Variants in SREBF1 observed in about 807,000 individuals in gnomAD.
SREBF1 encodes the protein sterol regulatory element binding transcription factor 1, also known as sterol regulatory element-binding protein 1.
A neutral mutation model predicts 100.1 loss-of-function variants in SREBF1; 45 were observed. That is an observed-to-expected ratio of 0.45 (90% CI 0.35 to 0.58). SREBF1 has a LOEUF of 0.58. SREBF1 is among the 20% of genes least tolerant of loss of function. The pLI is 0.00. For synonymous variants in SREBF1, 657 were observed against 681.8 expected, an observed-to-expected ratio of 0.96 and a Z score of 0.57; for missense variants, 1,324 against 1,539.4, an observed-to-expected ratio of 0.86 and a Z score of 2.34.
chr17:17,814,513 T>C, intron 15 of SREBF1, 102 bp downstream of exon 15: 1 of 1,535,442 alleles, frequency 6.5e-7, no homozygotes. Context: ...AAAAAGGTGG[T>C]GACTCCTCCT....
intron 11 of SREBF1, 50 bp downstream of exon 11, chr17:17,816,151 AGGGAGC>A: frequency 1.2e-6 from 1 of 867,276 alleles, no homozygotes; most frequent in Non-Finnish European, 1.4e-6. Flanking sequence ...GCTCTTACCC[AGGGAGC>A]CTCTGGAGAG....
chr17:17,823,395 C>G, intron 1 of SREBF1: 2 of 799,232 alleles, frequency 2.5e-6, no homozygotes, highest in South Asian at 2.8e-5. Context: ...GTCACACCTT[C>G]TCCCTCGGGA....
chr17:17,812,893 C>T (rs991574867), intron 18 of SREBF1, 42 bp from the exon 19 acceptor site: 5 of 1,443,694 alleles, frequency 3.5e-6, no homozygotes, highest in Non-Finnish European at 4.5e-6. Flanking sequence ...CTCAAGCTGG[C>T]CACGCCCCCG....
chr17:17,814,078 C>G (rs749958247), intron 16 of SREBF1, 167 bp downstream of exon 16: 1 of 815,416 alleles, frequency 1.2e-6, no homozygotes, highest in African/African-American at 1.7e-5. Flanking sequence ...AACCCCTCTC[C>G]TCTGGACAGA....
At chr17:17,836,547 G>A (rs1253283749) in intron 1 of SREBF1, among the ~76,000 whole-genome samples, 180 bp downstream of exon 1, 6 of 152,328 alleles carry the variant, frequency 3.9e-5, no homozygotes, top group Non-Finnish European at 8.8e-5. Flanking sequence ...CGAGACGCTA[G>A]CGCGGGAACC....
chr17:17,816,845 G>A (rs898232166), intron 9 of SREBF1, 113 bp downstream of exon 9: 98 of 1,590,536 alleles, frequency 6.2e-5, no homozygotes, highest in Non-Finnish European at 8.1e-5. Flanking sequence ...TAGGCACAGG[G>A]AGGACGGGAC....
rs777841540 is a variant in SREBF1, at chr17:17,811,776, C to T, written c.*846G>A. ...GAAGTCAGTCCATCCTCCCGTGCCACCCAGGGACCTGATGGGGACAGAGCT... is the reference window on the plus strand; with the variant it reads ...GAAGTCAGTCCATCCTCCCGTGCCATCCAGGGACCTGATGGGGACAGAGCT... On this transcript the variant is annotated 3_prime_UTR_variant, in exon 19 of 19. Transcript: ENST00000261646. 14 of 454,768 alleles carry T rather than the reference C, an allele frequency of 3.1e-5. No homozygotes were observed. Among genetic ancestry groups the T allele is most frequent in the Non-Finnish European group, 5.7e-5 (13 of 226,280 alleles). The allele number at this position is 454,768 out of a possible 1,614,324, so 28.2% of individuals were successfully genotyped here. A position where few individuals can be genotyped will look rare whatever the true frequency, so the allele number is the denominator to read the frequency against.
chr17:17,814,961 C>G lies in SREBF1; in HGVS notation c.2493-17G>C. 3 of 1,554,852 alleles carry G rather than the reference C, an allele frequency of 1.9e-6. No homozygotes were observed. Among genetic ancestry groups the G allele is most frequent in the Non-Finnish European group, 2.6e-6 (3 of 1,148,786 alleles). ...GAGAATTCCCTGTGGAAGGAGAGAG[C>G]TGGCTGTCGGAACAGATGGCAGGGG... On this transcript the variant is annotated splice_polypyrimidine_tract_variant and intron_variant, in intron 13 of 18. Transcript: ENST00000261646.
intron 1 of SREBF1, among the ~76,000 whole-genome samples, chr17:17,821,152 T>TAC (rs60948138): frequency 0.042 from 6,251 of 149,430 alleles, 177 homozygotes; most frequent in African/African-American, 0.076. Flanking sequence ...TCCACACACA[T>TAC]ACACACACAC....
chr17:17,823,458 A>T, intron 1 of SREBF1: 2 of 1,164,074 alleles, frequency 1.7e-6, no homozygotes, highest in Non-Finnish European at 2.6e-6. Flanking sequence ...CCACCCCAGG[A>T]GAACCTGCAG....
At position 17,822,601 on chromosome 17, in the gene SREBF1, G is replaced by C. The variant is rs77908814; in HGVS notation, c.92-2080C>G. ...AACCCACTCGTGGTGGCACCCACTGGGTCAGAATGCTCTACAGGACCCATG... is the reference window on the plus strand; with the variant it reads ...AACCCACTCGTGGTGGCACCCACTGCGTCAGAATGCTCTACAGGACCCATG... On this transcript the variant is annotated intron_variant, in intron 1 of 18. Coordinates refer to ENST00000261646, the MANE Select transcript of SREBF1 (RefSeq NM_004176.5). Among the ~76,000 whole-genome samples, 475 of 152,294 alleles carry C rather than the reference G, an allele frequency of 3.1e-3. 6 individuals are homozygous for C. The highest frequency in any genetic ancestry group is 0.026 in the South Asian group (124 of 4,830).
At chr17:17,823,644 G>C (rs754141844) in intron 1 of SREBF1, 16 of 1,531,556 alleles carry the variant, frequency 1.0e-5, no homozygotes, top group Middle Eastern at 2.2e-4. Flanking sequence ...GCCGTTGAGC[G>C]CTGCGGCGCG....
intron 1 of SREBF1, 46 bp downstream of exon 1, chr17:17,836,681 C>G: frequency 3.9e-6 from 6 of 1,528,340 alleles, no homozygotes; most frequent in Non-Finnish European, 5.3e-6. Context: ...GCGCCCCCTA[C>G]TCGCGCCACC....
chr17:17,826,264 A>C (rs76311727), intron 1 of SREBF1, among the ~76,000 whole-genome samples: 3,078 of 150,734 alleles, frequency 0.02, 103 homozygotes, highest in African/African-American at 0.071. Context: ...TTGGAGCTCC[A>C]TTACCATTCG....
intron 1 of SREBF1, among the ~76,000 whole-genome samples, chr17:17,827,865 G>A (rs1567987618): frequency 6.6e-6 from 1 of 152,196 alleles, no homozygotes. Flanking sequence ...TCGCAGTTCA[G>A]TGAGTGTGTG....
chr17:17,819,580 G>C lies in SREBF1; in HGVS notation c.669C>G (p.Ala223=). The part of the protein sequence containing the change: ...LLTVTAAPTA[A]PVTTTVTSQI... ...GCGAGGTCACAGTGGTCGTTACAGG[G>C]GCTGCCGTGGGGGCAGCTGTGACTG... Residue 223 remains alanine, a synonymous_variant, in exon 3 of 19, where the codon GCC becomes GCG. Transcript: ENST00000261646. 3 of 1,613,832 alleles carry C rather than the reference G, an allele frequency of 1.9e-6. No homozygotes were observed. The highest frequency in any genetic ancestry group is 2.5e-6 in the Non-Finnish European group (3 of 1,180,006).
At chr17:17,826,799 A>G (rs2034517593) in intron 1 of SREBF1, among the ~76,000 whole-genome samples, 1 of 152,226 alleles carries the variant, frequency 6.6e-6, no homozygotes, top group African/African-American at 2.4e-5. Context: ...CTGTGAGGCC[A>G]TGAGGGAAAT....
intron 13 of SREBF1, 73 bp downstream of exon 13, chr17:17,815,148 G>T: frequency 1.4e-6 from 2 of 1,453,774 alleles, no homozygotes; most frequent in Admixed American, 1.7e-5. Flanking sequence ...TCTCTCCACA[G>T]GGTTGAGGCC....
At chr17:17,829,082 G>C (rs1366507181) in intron 1 of SREBF1, among the ~76,000 whole-genome samples, 1 of 150,936 alleles carries the variant, frequency 6.6e-6, no homozygotes, top group Non-Finnish European at 1.5e-5. Context: ...AGTCCCAGCT[G>C]CTTGGGAGGC....
Sources: allele counts gnomAD v4.1 joint callset (sites outside exome capture counted in the v4.1 genomes callset), GRCh38; gene constraint gnomAD v4.1.1; transcripts MANE v1.5; gene names NCBI Gene and HGNC (gene_info 2026-07-23, HGNC 2026-07-21).